CPXM2: variants seen among roughly 807,000 people sequenced by gnomAD.
The protein encoded by CPXM2 is inactive carboxypeptidase-like protein X2.
A neutral mutation model predicts 86.1 loss-of-function variants in CPXM2; 66 were observed. The observed-to-expected ratio is 0.77, with a 90% CI of 0.63 to 0.94. CPXM2 has a LOEUF of 0.94. CPXM2 is among the 40% of genes least tolerant of loss of function. The probability of loss-of-function intolerance (pLI) is 0.00; values close to 1 mark genes in which losing one functional copy is unlikely to be tolerated. For missense variants in CPXM2, 948 were observed against 1,026.3 expected (o/e 0.92, Z 1.04); for synonymous variants, 388 against 400.2 (o/e 0.97, Z 0.36).
At chr10:123,790,334 CAGAGCAGGTGACCAGGGGTGACTCAGGAT>C (rs1564770609) in intron 6 of CPXM2, among the ~76,000 whole-genome samples, 1 of 147,952 alleles carries the variant, frequency 6.8e-6, no homozygotes, top group Non-Finnish European at 1.5e-5. Context: ...TGACTGAAGA[CAGAGCAGGTGACCAGGGGTGACTCAGGAT>C]GGAGCAGGTG....
chr10:123,890,443 G>A (rs557101774), intron 1 of CPXM2, among the ~76,000 whole-genome samples: 1 of 152,146 alleles, frequency 6.6e-6, no homozygotes, highest in Non-Finnish European at 1.5e-5. Flanking sequence ...AAACAAAGAC[G>A]ATGCCTTCCA....
At chr10:123,884,862 T>C (rs113661676) in intron 1 of CPXM2, among the ~76,000 whole-genome samples, 1,879 of 152,178 alleles carry the variant, frequency 0.012, 50 homozygotes, top group African/African-American at 0.043. Flanking sequence ...TAAGGAAGAG[T>C]GGGCATGGCT....
rs142651954 is a variant in CPXM2, at chr10:123,823,954, C to T, written c.653+18395G>A. ...AAGTAGCATTATTTGGCCTTTTAAA[C>T]TACAAAATAATTTTTAATTAAAAAA... On this transcript the variant is annotated intron_variant, in intron 4 of 13. Transcript: ENST00000241305. 4.1e-3 allele frequency among the ~76,000 whole-genome samples: 628 copies of T among 152,230 alleles called. 4 individuals carry two copies. Among genetic ancestry groups the T allele is most frequent in the African/African-American group, 0.014 (593 of 41,538 alleles).
At chr10:123,805,658 C>T (rs1478471789) in intron 4 of CPXM2, among the ~76,000 whole-genome samples, 1 of 152,064 alleles carries the variant, frequency 6.6e-6, no homozygotes, top group Non-Finnish European at 1.5e-5. Context: ...CACTTGAAAA[C>T]AATATCGGCT....
chr10:123,910,759 C>A (rs1380702004), intron 2 of CPXM2, among the ~76,000 whole-genome samples: 4 of 152,212 alleles, frequency 2.6e-5, no homozygotes, highest in African/African-American at 9.6e-5. Flanking sequence ...GGTGACAACA[C>A]AAATTTATTC....
chr10:123,803,666 GT>G (rs1847512605), intron 4 of CPXM2, among the ~76,000 whole-genome samples: 1 of 151,796 alleles, frequency 6.6e-6, no homozygotes, highest in Admixed American at 6.6e-5. Flanking sequence ...TTTTGTTTTT[GT>G]TTTTGTTTTT....
At chr10:123,774,726 T>C (rs1846739933) in intron 7 of CPXM2, among the ~76,000 whole-genome samples, 1 of 152,066 alleles carries the variant, frequency 6.6e-6, no homozygotes, top group African/African-American at 2.4e-5. Flanking sequence ...AATATTTAGG[T>C]GAGAGAAAGC....
chr10:123,886,247 A>T (rs1008492942), intron 1 of CPXM2, among the ~76,000 whole-genome samples: 3 of 151,276 alleles, frequency 2.0e-5, no homozygotes, highest in African/African-American at 7.3e-5. Flanking sequence ...TTTTTAAAGT[A>T]CTTATTGAAA....
intron 13 of CPXM2, chr10:123,750,867 T>G: frequency 2.0e-6 from 2 of 985,470 alleles, no homozygotes; most frequent in Non-Finnish European, 2.4e-6. Flanking sequence ...CTTGGCTGTT[T>G]TCCCCATGTC....
At position 123,770,800 on chromosome 10, in the gene CPXM2, G is replaced by T; in HGVS notation, c.1102+116C>A. ...AATCTGTCTACGTGAGACAGCAGTG[G>T]TGTGGACAGCTGATGCCCTGTGGCA... is the stretch of plus-strand genomic sequence containing the variant. On this transcript the variant is annotated intron_variant, in intron 8 of 13. Coordinates refer to ENST00000241305, the MANE Select transcript of CPXM2 (RefSeq NM_198148.3). The T allele has an allele frequency of 7.3e-6, 8 of 1,090,322 alleles. No homozygotes were observed. The East Asian group carries it at 1.9e-4, about 26-fold the overall frequency. The allele number at this position is 1,090,322 out of a possible 1,614,324, so 67.5% of individuals were successfully genotyped here. A position where few individuals can be genotyped will look rare whatever the true frequency, so the allele number is the denominator to read the frequency against.
chr10:123,747,037 G>C lies in CPXM2; in HGVS notation c.2018-20C>G. 6.2e-7 allele frequency: 1 copy of C among 1,612,564 alleles called. No homozygotes were observed. On this transcript the variant is annotated intron_variant, in intron 13 of 13. Transcript: ENST00000241305. ...CGTTGGCTGTGAAAAAGAAAACCAG[G>C]GGAGACTCAGAGCAGCTCTTGCTAA...
At chr10:123,820,216 C>T (rs112473174) in intron 4 of CPXM2, among the ~76,000 whole-genome samples, 186 of 152,206 alleles carry the variant, frequency 1.2e-3, no homozygotes, top group African/African-American at 4.3e-3. Context: ...TTAGTTCTGC[C>T]CCTCTAGAGA....
chr10:123,881,245 T>C (rs116195679), intron 1 of CPXM2, among the ~76,000 whole-genome samples: 8,446 of 41,596 alleles, frequency 0.2, 2,336 homozygotes, highest in African/African-American at 0.34. Context: ...TCCCTTCCCT[T>C]CCCTTCCCTT....
In CPXM2 at chr10:123,890,158, C is replaced by T. The variant is rs538703711; in HGVS notation, c.304+1198G>A. ...GTCGACATTCTACAAATATAAGTCTCTTCCCACTCCTAATCCTGTTATTAA... is the reference window on the plus strand; with the variant it reads ...GTCGACATTCTACAAATATAAGTCTTTTCCCACTCCTAATCCTGTTATTAA... On this transcript the variant is annotated intron_variant, in intron 1 of 13. Transcript: ENST00000241305. Among the ~76,000 whole-genome samples, 3 of 152,342 alleles carry T rather than the reference C, an allele frequency of 2.0e-5. No individual in the cohort carries two copies. In the South Asian group the frequency reaches 6.2e-4, roughly 32 times the overall value.
rs1485387794 is a variant in CPXM2 at position 123,770,927 on chromosome 10, T to A, written c.1091A>T (p.Glu364Val). The change falls in exon 8 of 14, where the codon GAG (glutamate) becomes GTG (valine). Residue 364 changes from glutamate to valine, a missense_variant. Physicochemically the swap from Glu to Val is moderately radical, Grantham distance 121. Transcript: ENST00000241305. The stretch of plus-strand genomic sequence containing the variant: ...GGGGCCCTTCTCACCGACTTCATGC[T>A]CCCCAGGGTGATCTGAGATCTCCAC... ...YAVEISDHPG[E>V]HEVGEPEFHY... 6.2e-7 allele frequency: 1 copy of A among 1,606,842 alleles called. No homozygotes were observed.
intron 2 of CPXM2, among the ~76,000 whole-genome samples, chr10:123,904,086 T>C (rs1282101898): frequency 6.6e-6 from 1 of 152,220 alleles, no homozygotes; most frequent in Non-Finnish European, 1.5e-5. Flanking sequence ...CAGTATACCA[T>C]TTTTTGTTCA....
At chr10:123,940,283 T>C (rs898277877), upstream of CPXM2, 1 of 152,300 alleles carries the variant, frequency 6.6e-6, no homozygotes, top group Non-Finnish European at 1.5e-5. Flanking sequence ...TGATGAGCCC[T>C]TGCTGTGATG....
chr10:123,891,301 G>GT lies in CPXM2; in HGVS notation c.304+54_304+55insA. The GT allele has an allele frequency of 7.3e-7, 1 of 1,376,880 alleles. No homozygotes were observed. The highest frequency in any genetic ancestry group is 1.5e-5 in the African/African-American group (1 of 66,752). 85.3% of individuals were successfully genotyped at this position (1,376,880 alleles called of 1,614,324 possible). A position where few individuals can be genotyped will look rare whatever the true frequency, so the allele number is the denominator to read the frequency against. On this transcript the variant is annotated intron_variant, in intron 1 of 13. Transcript: ENST00000241305. The surrounding 1 kb of genome is among the most constrained non-coding windows in gnomAD (Gnocchi z 5.6). Reference sequence around the variant, plus strand: ...AATGGGAGAAGCCAGTTGTCCCCTGGAGGCGCGCAACCACCGGCGCCCCCT... The same window carrying GT: ...AATGGGAGAAGCCAGTTGTCCCCTGGTAGGCGCGCAACCACCGGCGCCCCCT...
intron 12 of CPXM2, among the ~76,000 whole-genome samples, chr10:123,755,333 GGAAAGGA>G (rs1257415828): frequency 6.6e-6 from 1 of 152,138 alleles, no homozygotes; most frequent in African/African-American, 2.4e-5. Context: ...GGGAAGCAGG[GGAAAGGA>G]GAAAGGAGGA....
Sources: gnomAD v4.1 joint callset for allele counts (sites outside exome capture counted in the v4.1 genomes callset) on GRCh38, gnomAD v4.1.1 for gene constraint, Gnocchi (gnomAD v3.1) non-coding constraint, MANE v1.5 for transcripts, NCBI Gene and HGNC (gene_info 2026-07-23, HGNC 2026-07-21) for gene names.